The following MAPK4 variants were observed in gnomAD, a reference collection of about 807,000 sequenced individuals.
MAPK4 encodes Erk3-related.
A neutral mutation model predicts 47.7 loss-of-function variants in MAPK4; 22 were observed. The observed-to-expected ratio is 0.46, with a 90% confidence interval of 0.33 to 0.66. The LOEUF (loss-of-function observed/expected upper bound fraction) is 0.66, where lower values mean the gene tolerates loss of function less well. MAPK4 is among the 30% of genes least tolerant of loss of function. The pLI is 0.02. For missense variants in MAPK4, 736 were observed against 831.7 expected (o/e 0.88, Z 1.42); for synonymous variants, 390 against 365.7 (o/e 1.07, Z -0.76).
intron 1 of MAPK4, among the ~76,000 whole-genome samples, chr18:50,603,811 A>G (rs1283226635): frequency 6.6e-6 from 1 of 152,236 alleles, no homozygotes; most frequent in Non-Finnish European, 1.5e-5. Flanking sequence ...AAATGAACAA[A>G]TTCTGGAGGT....
chr18:50,641,487 AT>A (rs1320168808), intron 1 of MAPK4, among the ~76,000 whole-genome samples: 1 of 152,216 alleles, frequency 6.6e-6, no homozygotes, highest in Non-Finnish European at 1.5e-5. Flanking sequence ...GAACTTCAAA[AT>A]ATATATATAC....
At position 50,608,266 on chromosome 18, in the gene MAPK4, A is replaced by G. The variant is rs115137081; in HGVS notation, c.-871+48023A>G. ...TGACTTTAAGTTTTAAATGTATAACATTTTATTGTAGGTCACTGAAAATCC... is the reference window on the plus strand; with the variant it reads ...TGACTTTAAGTTTTAAATGTATAACGTTTTATTGTAGGTCACTGAAAATCC... On this transcript the variant is annotated intron_variant, in intron 1 of 5. Coordinates refer to ENST00000400384, the MANE Select transcript of MAPK4 (RefSeq NM_002747.4). 8.6e-3 allele frequency among the ~76,000 whole-genome samples: 1,313 copies of G among 152,320 alleles called. 17 individuals are homozygous for G. Among genetic ancestry groups the G allele is most frequent in the African/African-American group, 0.029 (1,216 of 41,560 alleles).
At chr18:50,654,161 T>C (rs1436575398) in intron 1 of MAPK4, among the ~76,000 whole-genome samples, 3 of 152,220 alleles carry the variant, frequency 2.0e-5, no homozygotes, top group Non-Finnish European at 4.4e-5. Context: ...TGAGCATCCC[T>C]GCCATGGGCT....
At position 50,721,928 on chromosome 18, in the gene MAPK4, G is replaced by C; in HGVS notation, c.692-10G>C. The C allele has an allele frequency of 1.2e-6, 2 of 1,613,786 alleles. No individual in the cohort carries two copies. The highest frequency in any genetic ancestry group is 1.7e-6 in the Non-Finnish European group (2 of 1,179,932). On this transcript the variant is annotated splice_polypyrimidine_tract_variant and intron_variant, in intron 3 of 5. Coordinates refer to ENST00000400384, the MANE Select transcript of MAPK4 (RefSeq NM_002747.4). ...ACAGCACACTTAACCATCTGGCATT[G>C]CCTCCCCAGGGGCCCATGAGCTGGA...
intron 1 of MAPK4, among the ~76,000 whole-genome samples, chr18:50,604,581 C>T (rs563452869): frequency 8.5e-5 from 13 of 152,276 alleles, no homozygotes; most frequent in African/African-American, 1.7e-4. Flanking sequence ...GTAGAATAAT[C>T]GATCTGAGAA....
intron 1 of MAPK4, among the ~76,000 whole-genome samples, chr18:50,623,299 G>C (rs937566863): frequency 6.6e-6 from 1 of 152,166 alleles, no homozygotes; most frequent in Non-Finnish European, 1.5e-5. Context: ...AAGCTCCTGC[G>C]AGCCAGCGGG....
At chr18:50,564,362 G>T (rs2042180308) in intron 1 of MAPK4, among the ~76,000 whole-genome samples, 1 of 152,178 alleles carries the variant, frequency 6.6e-6, no homozygotes, top group South Asian at 2.1e-4. Context: ...GTGCTTAACA[G>T]CATCCCTGGC....
chr18:50,660,628 T>C (rs914134221), intron 1 of MAPK4, among the ~76,000 whole-genome samples: 1 of 152,138 alleles, frequency 6.6e-6, no homozygotes, highest in African/African-American at 2.4e-5. Flanking sequence ...AGCGTACACA[T>C]GAGTGCCACA....
Position 50,617,680 on chromosome 18 carries a change from A to G in MAPK4, c.-870-45409A>G, listed in dbSNP as rs141643128. 8.6e-3 allele frequency among the ~76,000 whole-genome samples: 1,304 copies of G among 152,334 alleles called. 5 individuals are homozygous for G. Among genetic ancestry groups the G allele is most frequent in the Admixed American group, 9.8e-3 (150 of 15,306 alleles). On this transcript the variant is annotated intron_variant, in intron 1 of 5. Coordinates refer to ENST00000400384, the MANE Select transcript of MAPK4 (RefSeq NM_002747.4). ...CATGGGCCAATCAGGTGTTATATGAAGAATCAAATGAGAGAAATGTGACAG... is the reference window on the plus strand; with the variant it reads ...CATGGGCCAATCAGGTGTTATATGAGGAATCAAATGAGAGAAATGTGACAG...
intron 1 of MAPK4, among the ~76,000 whole-genome samples, chr18:50,602,323 T>G (rs1274814077): frequency 6.6e-6 from 1 of 152,202 alleles, no homozygotes; most frequent in Non-Finnish European, 1.5e-5. Context: ...CAATAGCCTA[T>G]GAAACTGATC....
At chr18:50,667,729 A>G (rs1215841225) in intron 2 of MAPK4, among the ~76,000 whole-genome samples, 1 of 152,182 alleles carries the variant, frequency 6.6e-6, no homozygotes, top group East Asian at 1.9e-4. Flanking sequence ...AAACTCTCAG[A>G]ACATTTTTCC....
At chr18:50,640,217 A>G (rs569166953) in intron 1 of MAPK4, among the ~76,000 whole-genome samples, 1 of 152,318 alleles carries the variant, frequency 6.6e-6, no homozygotes. Flanking sequence ...TTTGGAAGGA[A>G]ATCAGAGGCA....
At chr18:50,655,470 G>T (rs919528560) in intron 1 of MAPK4, among the ~76,000 whole-genome samples, 1 of 152,130 alleles carries the variant, frequency 6.6e-6, no homozygotes, top group African/African-American at 2.4e-5. Context: ...GCAGCCATCT[G>T]CCCATATATC....
rs1911196474 is a variant in MAPK4, at chr18:50,726,296, T to A, written c.1067+121T>A. ...GTTGCATAGCTCATTGGACGACTTC[T>A]CCAGCTTAGCTTCCTGCCTTTCTCT... On this transcript the variant is annotated intron_variant, in intron 5 of 5. Coordinates refer to ENST00000400384, the MANE Select transcript of MAPK4 (RefSeq NM_002747.4). 1.2e-5 allele frequency: 11 copies of A among 899,588 alleles called. No homozygotes were observed. In the East Asian group the frequency reaches 2.9e-4, roughly 24 times the overall value. The allele number at this position is 899,588 out of a possible 1,614,324, so 55.7% of individuals were successfully genotyped here.
intron 1 of MAPK4, among the ~76,000 whole-genome samples, chr18:50,645,851 C>G (rs965383600): frequency 6.6e-6 from 1 of 152,222 alleles, no homozygotes; most frequent in Non-Finnish European, 1.5e-5. Flanking sequence ...GTTCCTTAAC[C>G]AGTGCATACC....
intron 1 of MAPK4, among the ~76,000 whole-genome samples, chr18:50,624,835 C>T (rs1427420345): frequency 6.6e-6 from 1 of 152,022 alleles, no homozygotes; most frequent in Non-Finnish European, 1.5e-5. Flanking sequence ...CTGCCTGGTA[C>T]AGCTGCCTGG....
intron 2 of MAPK4, among the ~76,000 whole-genome samples, chr18:50,688,607 A>T (rs1909018006): frequency 6.6e-6 from 1 of 152,194 alleles, no homozygotes. Flanking sequence ...GGAACTGGAG[A>T]CTATTATTCT....
intron 1 of MAPK4, among the ~76,000 whole-genome samples, chr18:50,585,825 C>G (rs2042383365): frequency 6.6e-6 from 1 of 152,188 alleles, no homozygotes; most frequent in African/African-American, 2.4e-5. Context: ...TCCTTCTTCA[C>G]ATGGTGGTAG....
chr18:50,710,342 G>C (rs925076982), intron 2 of MAPK4, among the ~76,000 whole-genome samples: 2 of 152,104 alleles, frequency 1.3e-5, no homozygotes, highest in African/African-American at 4.8e-5. Context: ...AATTAGCCAA[G>C]CGTGGTGGCG....
Sources: gnomAD v4.1 joint callset for allele counts (sites outside exome capture counted in the v4.1 genomes callset) on GRCh38, gnomAD v4.1.1 for gene constraint, MANE v1.5 for transcripts, NCBI Gene and HGNC (gene_info 2026-07-23, HGNC 2026-07-21) for gene names.